The following LRBA variants were observed in gnomAD, a reference collection of about 807,000 sequenced individuals.
LRBA encodes the protein lipopolysaccharide-responsive and beige-like anchor protein.
LRBA carries 176 observed loss-of-function variants against 330.0 expected under a neutral mutation model. The ratio of observed to expected loss-of-function variants is 0.53; its 90% CI spans 0.47 to 0.60. The LOEUF is 0.60. Among genes scored for constraint, LRBA ranks in the 20% least tolerant of loss-of-function variants. LRBA has a pLI of 0.00. For missense variants in LRBA, 3,259 were observed against 3,444.8 expected (o/e 0.95, Z 1.35); for synonymous variants, 1,230 against 1,193.0 (o/e 1.03, Z -0.64).
At chr4:150,712,020 A>C (rs1417328242) in intron 36 of LRBA, among the ~76,000 whole-genome samples, 1 of 152,196 alleles carries the variant, frequency 6.6e-6, no homozygotes, top group Non-Finnish European at 1.5e-5. Flanking sequence ...CTTATCATTA[A>C]GGAAGAGAAA....
At chr4:150,726,065 A>G (rs1729624896) in intron 36 of LRBA, among the ~76,000 whole-genome samples, 1 of 152,222 alleles carries the variant, frequency 6.6e-6, no homozygotes, top group African/African-American at 2.4e-5. Flanking sequence ...TACAAGGAAG[A>G]CAAGGAAAGA....
At chr4:150,312,235 T>C (rs534400134) in intron 51 of LRBA, among the ~76,000 whole-genome samples, 9 of 152,230 alleles carry the variant, frequency 5.9e-5, no homozygotes, top group African/African-American at 2.2e-4. Context: ...AATTTAACAT[T>C]GCCAAGTCCC....
chr4:150,306,583 A>G (rs1730386118), intron 52 of LRBA, among the ~76,000 whole-genome samples: 1 of 152,208 alleles, frequency 6.6e-6, no homozygotes, highest in Non-Finnish European at 1.5e-5. Flanking sequence ...AAGCTAAGTC[A>G]GTCCCACTGA....
intron 4 of LRBA, among the ~76,000 whole-genome samples, chr4:150,926,291 T>C (rs1733874214): frequency 6.6e-6 from 1 of 152,160 alleles, no homozygotes; most frequent in Non-Finnish European, 1.5e-5. Flanking sequence ...ACTAGACACT[T>C]CGGAGAGACC....
chr4:150,996,888 A>C (rs546459063), intron 2 of LRBA, among the ~76,000 whole-genome samples: 9 of 152,182 alleles, frequency 5.9e-5, no homozygotes, highest in Non-Finnish European at 1.2e-4. Context: ...CAAGTTTAAT[A>C]AAGTACTGCC....
intron 48 of LRBA, among the ~76,000 whole-genome samples, chr4:150,330,714 A>G (rs1733879863): frequency 6.6e-6 from 1 of 152,200 alleles, no homozygotes; most frequent in Non-Finnish European, 1.5e-5. Context: ...CCTGCTATGC[A>G]GCCTGGTTCC....
intron 2 of LRBA, among the ~76,000 whole-genome samples, chr4:150,970,122 C>T (rs1298734277): frequency 5.9e-5 from 9 of 152,220 alleles, no homozygotes; most frequent in Middle Eastern, 3.4e-3. Context: ...CTCAGATGAT[C>T]GTTAGCATTT....
intron 37 of LRBA, chr4:150,679,533 A>T (rs1561507240): frequency 6.6e-6 from 1 of 152,142 alleles, no homozygotes. Flanking sequence ...TTTCTGAAAG[A>T]AGGAAGATTT....
rs202180626 is a variant in LRBA at position 150,265,674 on chromosome 4, G to A, written c.*48C>T. 1.5e-5 allele frequency: 17 copies of A among 1,162,020 alleles called. No homozygotes were observed. In the East Asian group the frequency reaches 3.3e-4, roughly 22 times the overall value. The allele number at this position is 1,162,020 out of a possible 1,614,324, so 72.0% of individuals were successfully genotyped here. ...TGTGGTAGAAGAGAATGATGCTCCA[G>A]GTACTTCTGCTCATCCTAGGGGCAG... is the stretch of plus-strand genomic sequence containing the variant. On this transcript the variant is annotated 3_prime_UTR_variant, in exon 57 of 57. Coordinates refer to ENST00000651943, the MANE Select transcript of LRBA (RefSeq NM_001364905.1).
chr4:150,271,762 G>A (rs1182211547), intron 56 of LRBA, among the ~76,000 whole-genome samples: 1 of 152,168 alleles, frequency 6.6e-6, no homozygotes, highest in South Asian at 2.1e-4. Context: ...ATTGGGTGGA[G>A]CTCACTGCAG....
chr4:150,895,863 AC>A (rs1730024894), intron 16 of LRBA, among the ~76,000 whole-genome samples: 1 of 152,104 alleles, frequency 6.6e-6, no homozygotes, highest in Non-Finnish European at 1.5e-5. Flanking sequence ...CGCCACACCG[AC>A]TTCCACAATG....
At chr4:150,473,534 A>G (rs1371072390) in intron 42 of LRBA, among the ~76,000 whole-genome samples, 1 of 152,144 alleles carries the variant, frequency 6.6e-6, no homozygotes, top group Non-Finnish European at 1.5e-5. Flanking sequence ...GACTGAATAC[A>G]ATGAGAAGGA....
At chr4:150,788,803 A>G (rs1171877306) in intron 34 of LRBA, among the ~76,000 whole-genome samples, 1 of 149,614 alleles carries the variant, frequency 6.7e-6, no homozygotes, top group Non-Finnish European at 1.5e-5. Context: ...GGTCAGGCAC[A>G]GTGGCTCACG....
At chr4:150,842,938 G>A (rs1472000811) in intron 28 of LRBA, among the ~76,000 whole-genome samples, 2 of 152,124 alleles carry the variant, frequency 1.3e-5, no homozygotes, top group African/African-American at 4.8e-5. Flanking sequence ...CATGGTTTCA[G>A]GATGATTCAA....
At chr4:150,990,469 T>G (rs898783254) in intron 2 of LRBA, among the ~76,000 whole-genome samples, 1 of 152,168 alleles carries the variant, frequency 6.6e-6, no homozygotes, top group South Asian at 2.1e-4. Context: ...GACTCATGCC[T>G]GTAATCCCAG....
chr4:150,804,278 T>C (rs1026718352), intron 33 of LRBA, among the ~76,000 whole-genome samples: 9 of 152,194 alleles, frequency 5.9e-5, no homozygotes, highest in Non-Finnish European at 1.3e-4. Flanking sequence ...ATCTGAACTT[T>C]CTTTTTCAAA....
intron 40 of LRBA, among the ~76,000 whole-genome samples, chr4:150,574,084 T>C (rs1581713255): frequency 6.6e-6 from 1 of 152,206 alleles, no homozygotes; most frequent in East Asian, 1.9e-4. Flanking sequence ...GAAAAAAACA[T>C]ATTGTTTATA....
intron 36 of LRBA, among the ~76,000 whole-genome samples, chr4:150,685,964 G>A (rs906704697): frequency 6.6e-6 from 1 of 152,152 alleles, no homozygotes; most frequent in Non-Finnish European, 1.5e-5. Context: ...ACTCTGGAAT[G>A]CAGAATGAGT....
intron 2 of LRBA, among the ~76,000 whole-genome samples, chr4:150,980,678 G>A (rs572292888): frequency 4.6e-5 from 7 of 152,078 alleles, no homozygotes; most frequent in African/African-American, 1.4e-4. Context: ...AATCCAAATT[G>A]GAAAGGAAGA....
Sources: allele counts gnomAD v4.1 joint callset (sites outside exome capture counted in the v4.1 genomes callset), GRCh38; gene constraint gnomAD v4.1.1; transcripts MANE v1.5; gene names NCBI Gene and HGNC (gene_info 2026-07-23, HGNC 2026-07-21).